GRM8: variants seen among roughly 807,000 people sequenced by gnomAD.
The protein encoded by GRM8 is metabotropic glutamate receptor 8.
In GRM8, 47 loss-of-function variants were observed where a neutral mutation model predicts 87.2. The observed-to-expected ratio is 0.54, with a 90% CI of 0.43 to 0.69. The LOEUF (loss-of-function observed/expected upper bound fraction) is 0.69, where lower values mean the gene tolerates loss of function less well. Ranked by LOEUF, GRM8 falls within the 30% of genes least tolerant of loss-of-function variation. The pLI, the probability that GRM8 is intolerant of heterozygous loss-of-function variation, is 0.00. For synonymous variants in GRM8, 396 were observed against 404.5 expected (o/e 0.98, Z 0.25); for missense variants, 1,019 against 1,139.2 (o/e 0.89, Z 1.52).
intron 6 of GRM8, among the ~76,000 whole-genome samples, chr7:126,811,984 G>A (rs1422957330): frequency 6.6e-6 from 1 of 151,862 alleles, no homozygotes; most frequent in Non-Finnish European, 1.5e-5. Flanking sequence ...AAGGGTGGAG[G>A]GGTGAGAGGG....
chr7:127,058,344 C>A (rs766528560), intron 3 of GRM8, among the ~76,000 whole-genome samples: 26 of 152,116 alleles, frequency 1.7e-4, no homozygotes, highest in Non-Finnish European at 3.2e-4. Flanking sequence ...TCCTAGATCT[C>A]AAATTAGGAG....
chr7:127,232,237 G>GAGAGAC (rs1554616437), intron 2 of GRM8, among the ~76,000 whole-genome samples: 215 of 140,458 alleles, frequency 1.5e-3, no homozygotes, highest in African/African-American at 5.4e-3. Flanking sequence ...GAGAGAGAGA[G>GAGAGAC]AGACAGACAG....
intron 8 of GRM8, among the ~76,000 whole-genome samples, chr7:126,568,063 A>G (rs919679591): frequency 1.3e-5 from 2 of 152,320 alleles, no homozygotes; most frequent in South Asian, 4.1e-4. Flanking sequence ...ACAAATTAAA[A>G]TTATTTGGTA....
rs552432275 is a variant in GRM8, at chr7:126,495,205, G to A, written c.2430+37747C>T. ...GGCATGAAGTTAGGCATCTGAAAAC[G>A]TGTGTGCTCCAAAACAGAGGTCAGT... On this transcript the variant is annotated intron_variant, in intron 9 of 10. Coordinates refer to ENST00000339582, the MANE Select transcript of GRM8 (RefSeq NM_000845.3). Among the ~76,000 whole-genome samples, 153 of 152,100 alleles carry A rather than the reference G, an allele frequency of 1.0e-3. 2 individuals carry two copies. The South Asian group carries it at 0.019, about 19-fold the overall frequency.
At chr7:126,689,551 A>G (rs1808576940) in intron 7 of GRM8, among the ~76,000 whole-genome samples, 1 of 152,142 alleles carries the variant, frequency 6.6e-6, no homozygotes, top group African/African-American at 2.4e-5. Flanking sequence ...AAAATCATTC[A>G]CTAGATAACT....
intron 2 of GRM8, among the ~76,000 whole-genome samples, chr7:127,137,334 T>C (rs935114883): frequency 6.6e-6 from 1 of 152,076 alleles, no homozygotes; most frequent in Non-Finnish European, 1.5e-5. Flanking sequence ...CTCTAAGTTG[T>C]ATAGGCACTA....
chr7:127,110,474 T>C (rs557123874), intron 2 of GRM8, among the ~76,000 whole-genome samples: 16 of 152,336 alleles, frequency 1.1e-4, no homozygotes, highest in African/African-American at 3.6e-4. Flanking sequence ...TCATTTTGCT[T>C]TCCTTCATTT....
At chr7:127,078,580 A>G (rs1468746278) in intron 3 of GRM8, among the ~76,000 whole-genome samples, 1 of 152,226 alleles carries the variant, frequency 6.6e-6, no homozygotes, top group Non-Finnish European at 1.5e-5. Flanking sequence ...GGTTGAAAAG[A>G]CCACACTTAG....
intron 3 of GRM8, among the ~76,000 whole-genome samples, chr7:127,052,140 C>T (rs970720279): frequency 3.9e-5 from 6 of 152,040 alleles, no homozygotes; most frequent in South Asian, 4.2e-4. Context: ...TCAATTTATC[C>T]GAGTTGTAAA....
At chr7:127,067,104 G>C (rs937349531) in intron 3 of GRM8, among the ~76,000 whole-genome samples, 2 of 152,156 alleles carry the variant, frequency 1.3e-5, no homozygotes, top group Non-Finnish European at 2.9e-5. Context: ...TCTAAAGTAG[G>C]CTCTCTCCAT....
chr7:126,603,881 T>C (rs1798076498), intron 8 of GRM8, among the ~76,000 whole-genome samples: 1 of 152,128 alleles, frequency 6.6e-6, no homozygotes, highest in East Asian at 1.9e-4. Flanking sequence ...AAGTCTTCTC[T>C]CAAACCCTGT....
chr7:126,508,726 A>G (rs187885318), intron 9 of GRM8, among the ~76,000 whole-genome samples: 2 of 152,236 alleles, frequency 1.3e-5, no homozygotes, highest in African/African-American at 4.8e-5. Context: ...AAGAGTTGAA[A>G]GGTAAATTAG....
At chr7:126,728,023 G>A (rs2065074426) in intron 7 of GRM8, among the ~76,000 whole-genome samples, 1 of 152,124 alleles carries the variant, frequency 6.6e-6, no homozygotes, top group Non-Finnish European at 1.5e-5. Context: ...AGACACAAAA[G>A]GAAGTGAGTC....
intron 2 of GRM8, among the ~76,000 whole-genome samples, chr7:127,212,342 T>G (rs2116638716): frequency 6.6e-6 from 1 of 151,936 alleles, no homozygotes; most frequent in Admixed American, 6.6e-5. Context: ...GTCAAGTTCA[T>G]ACGGTATTTG....
At chr7:126,454,479 G>T (rs533219411) in intron 9 of GRM8, among the ~76,000 whole-genome samples, 1 of 150,682 alleles carries the variant, frequency 6.6e-6, no homozygotes, top group Admixed American at 6.6e-5. Flanking sequence ...GTGCTTTTGC[G>T]GAGGCACATG....
chr7:126,935,498 AG>A lies in GRM8; in HGVS notation c.728-30816del, dbSNP rs1267937666. Among the ~76,000 whole-genome samples the A allele has an allele frequency of 2.6e-5, 4 of 152,334 alleles. No homozygotes were observed. In the East Asian group the frequency reaches 7.7e-4, roughly 29 times the overall value. ...ACTAAAGCTCACAAAACACTAGAAA[AG>A]TATGTTATCAGAGTTGAGGAGATGC... On this transcript the variant is annotated intron_variant, in intron 3 of 10. Coordinates refer to ENST00000339582, the MANE Select transcript of GRM8 (RefSeq NM_000845.3).
At chr7:126,757,575 A>G (rs1216642308) in intron 7 of GRM8, among the ~76,000 whole-genome samples, 2 of 152,194 alleles carry the variant, frequency 1.3e-5, no homozygotes, top group Non-Finnish European at 2.9e-5. Flanking sequence ...TTTTAAATAA[A>G]TAGGGCATAT....
intron 9 of GRM8, among the ~76,000 whole-genome samples, chr7:126,525,796 T>G (rs986602831): frequency 3.9e-5 from 6 of 152,208 alleles, no homozygotes; most frequent in African/African-American, 1.4e-4. Context: ...TAAAATCTCA[T>G]TATTTTTGTC....
At chr7:126,726,074 A>AGT (rs1812935414) in intron 7 of GRM8, among the ~76,000 whole-genome samples, 1 of 152,206 alleles carries the variant, frequency 6.6e-6, no homozygotes, top group Admixed American at 6.5e-5. Flanking sequence ...ATTTTGAAGA[A>AGT]AATGTTAAAT....
Sources: allele counts gnomAD v4.1 joint callset (sites outside exome capture counted in the v4.1 genomes callset), GRCh38; gene constraint gnomAD v4.1.1; transcripts MANE v1.5; gene names NCBI Gene and HGNC (gene_info 2026-07-23, HGNC 2026-07-21).